POLE: variants seen among roughly 807,000 people sequenced by gnomAD.
POLE encodes DNA polymerase epsilon catalytic subunit A.
POLE carries 188 observed loss-of-function variants against 279.2 expected under a neutral mutation model. The ratio of observed to expected loss-of-function variants is 0.67; its 90% CI spans 0.60 to 0.76. The LOEUF is 0.76. Ranked by LOEUF, POLE falls within the 30% of genes least tolerant of loss-of-function variation. POLE has a pLI of 0.00. For synonymous variants in POLE, 1,214 were observed against 1,172.5 expected (o/e 1.04, Z -0.72); for missense variants, 2,703 against 3,016.7 (o/e 0.90, Z 2.44).
At chr12:132,680,464 A>T in intron 3 of POLE, 143 bp downstream of exon 3, 1 of 701,028 alleles carries the variant, frequency 1.4e-6, no homozygotes, top group Non-Finnish European at 2.5e-6. Context: ...TTACGTGATG[A>T]CTGATGGGGC....
intron 20 of POLE, 119 bp from the exon 21 acceptor site, chr12:132,665,569 C>A (rs1266469499): frequency 7.0e-6 from 8 of 1,145,416 alleles, no homozygotes; most frequent in African/African-American, 4.7e-5. Context: ...ACCTAAAAAA[C>A]CAGTACAATG....
intron 33 of POLE, 31 bp downstream of exon 33, chr12:132,643,806 C>A: frequency 6.2e-7 from 1 of 1,606,060 alleles, no homozygotes; most frequent in South Asian, 1.1e-5. Context: ...GGAGCCTCCC[C>A]CAGTTCAGTC....
chr12:132,627,238 C>T (rs1288659900), intron 45 of POLE, among the ~76,000 whole-genome samples: 1 of 151,666 alleles, frequency 6.6e-6, no homozygotes, highest in Admixed American at 6.6e-5. Flanking sequence ...GCCAAGATTG[C>T]ACCACTGCAC....
rs2043086107 is a variant in POLE at position 132,677,653 on chromosome 12, C to T, written c.645G>A (p.Leu215=). ...EETSKKIADQ[L]DNIVDMREYD... ...ACTCGCGCATGTCCACAATGTTGTC[C>T]AACTGGTCAGCTATCTTCTTAGAGG... The change falls in exon 7 of 49, where the codon TTG becomes TTA. Residue 215 remains leucine (L), a synonymous_variant. Transcript: ENST00000320574. 2 of 1,614,120 alleles carry T rather than the reference C, an allele frequency of 1.2e-6. No individual in the cohort carries two copies. Among genetic ancestry groups the T allele is most frequent in the Non-Finnish European group, 1.7e-6 (2 of 1,180,000 alleles).
In POLE at chr12:132,677,904, G is replaced by A. The variant is rs111478351; in HGVS notation, c.579-185C>T. 2.8e-3 allele frequency among the ~76,000 whole-genome samples: 432 copies of A among 152,328 alleles called. 2 individuals carry two copies. Among genetic ancestry groups the A allele is most frequent in the African/African-American group, 9.7e-3 (404 of 41,588 alleles). Reference sequence around the variant, plus strand: ...AAGAATGGCTTGGACTGGGCCAGGCGTGGCAGCTCACGCCTGTAATCCCAG... The same window carrying A: ...AAGAATGGCTTGGACTGGGCCAGGCATGGCAGCTCACGCCTGTAATCCCAG... On this transcript the variant is annotated intron_variant, in intron 6 of 48. Transcript: ENST00000320574.
rs5744826 is a variant in POLE at position 132,665,124 on chromosome 12, G to C, written c.2468+178C>G. Among the ~76,000 whole-genome samples the C allele has an allele frequency of 1.6e-3, 236 of 152,122 alleles. 1 individual carries two copies. The highest frequency in any genetic ancestry group is 5.4e-3 in the African/African-American group (223 of 41,474). On this transcript the variant is annotated intron_variant, in intron 21 of 48. Transcript: ENST00000320574. ...ATGGACACCCAGACCCTCAAAGTCA[G>C]CGTGGCCCCCACTCTCTTCAACCTC...
Position 132,679,591 on chromosome 12 carries a change from C to T in POLE, c.484G>A (p.Asp162Asn), listed in dbSNP as rs759492756. The stretch of plus-strand genomic sequence containing the variant: ...ATCTCCTTCCTCACTTTGACAAGAT[C>T]CTCCACAGTGTGGAAGGACAGCCTG... ...YIRLSFHTVE[D>N]LVKVRKEISP... Residue 162 changes from aspartate (D) to asparagine (N), a missense_variant, in exon 6 of 49, where the codon GAT becomes AAT. Asp to Asn is a conservative substitution (Grantham distance 23). This residue lies in a region of POLE where 1,011 missense variants were observed against 1,111.7 expected (regional missense o/e 0.91). Coordinates refer to ENST00000320574, the MANE Select transcript of POLE (RefSeq NM_006231.4). The T allele has an allele frequency of 6.2e-7, 1 of 1,613,954 alleles. No individual in the cohort carries two copies.
rs1340591294 is a variant in POLE at position 132,665,417 on chromosome 12, C to T, written c.2353G>A (p.Val785Met). Residue 785 changes from valine (V) to methionine (M), a missense_variant, in exon 21 of 49, where the codon GTG (valine) becomes ATG (methionine). Transcript: ENST00000320574. ...CGCTTCACCTCAGCCGCGTCGCCCA[C>T]CTCCACGGCCGCCGAGAGCTTCTTT... ...WKKKLSAAVE[V>M]GDAAEVKRCK... 1.2e-6 allele frequency: 2 copies of T among 1,612,800 alleles called. No homozygotes were observed. Among genetic ancestry groups the T allele is most frequent in the Admixed American group, 1.7e-5 (1 of 60,010 alleles).
rs114778730 is a variant in POLE, at chr12:132,626,153, G to A, written c.6495C>T (p.Arg2165=). ...EVICRSCNFC[R]DLDLCKDSSF... is the part of the protein sequence containing the mutation. ...AAGAGTCTTTACACAGGTCCAGGTC[G>A]CGGCAGAAGTTACAGCTGCGGCAGA... Residue 2165 remains arginine (R), a synonymous_variant, in exon 46 of 49, where the codon CGC becomes CGT. Coordinates refer to ENST00000320574, the MANE Select transcript of POLE (RefSeq NM_006231.4). 1,096 of 1,609,544 alleles carry A rather than the reference G, an allele frequency of 6.8e-4. No homozygotes were observed. Among genetic ancestry groups the A allele is most frequent in the Non-Finnish European group, 8.0e-4 (945 of 1,177,976 alleles).
At chr12:132,640,665 T>G (rs975689091) in intron 39 of POLE, among the ~76,000 whole-genome samples, 1 of 152,242 alleles carries the variant, frequency 6.6e-6, no homozygotes, top group Non-Finnish European at 1.5e-5. Flanking sequence ...AAGCGGGAAC[T>G]TCAATGGGGT....
intron 21 of POLE, among the ~76,000 whole-genome samples, 167 bp downstream of exon 21, chr12:132,665,135 A>T (rs1040737514): frequency 6.6e-6 from 1 of 150,678 alleles, no homozygotes; most frequent in East Asian, 2.0e-4. Flanking sequence ...CGTGGCCCCC[A>T]CTCTCTTCAA....
At chr12:132,636,377 T>C (rs2042032539) in intron 41 of POLE, among the ~76,000 whole-genome samples, 1 of 144,780 alleles carries the variant, frequency 6.9e-6, no homozygotes, top group African/African-American at 2.6e-5. Context: ...TCGTCATCCT[T>C]GTCACTCCTC....
chr12:132,659,239 T>C, intron 26 of POLE, 56 bp downstream of exon 26: 2 of 1,551,460 alleles, frequency 1.3e-6, no homozygotes, highest in Non-Finnish European at 1.8e-6. Flanking sequence ...GAGGGAGCCC[T>C]CACCTGTCCG....
chr12:132,641,417 G>A, intron 39 of POLE: 1 of 579,120 alleles, frequency 1.7e-6, no homozygotes. Context: ...AGTACCTCTG[G>A]CCACAGGGAG....
intron 26 of POLE, among the ~76,000 whole-genome samples, chr12:132,658,908 A>AAAAAAG (rs2042613384): frequency 6.6e-6 from 1 of 150,548 alleles, no homozygotes; most frequent in Non-Finnish European, 1.5e-5. Context: ...AAAAAAAAAA[A>AAAAAAG]GAGCAGTTTC....
At position 132,625,740 on chromosome 12, in the gene POLE, A is replaced by G; in HGVS notation, c.6562T>C (p.Ser2188Pro). The change falls in exon 47 of 49, where the codon TCC (serine) becomes CCC (proline). Residue 2188 changes from serine (S) to proline (P), a missense_variant. By Grantham distance (74) the Ser-to-Pro change is moderately conservative (BLOSUM62 -1). Coordinates refer to ENST00000320574, the MANE Select transcript of POLE (RefSeq NM_006231.4). ...DGAVLPQWLCSNCQAPYDSSA... is the reference protein window; with the variant it reads ...DGAVLPQWLCPNCQAPYDSSA... The stretch of plus-strand genomic sequence containing the variant: ...GAGTCGTAGGGCGCCTGACAGTTGG[A>G]GCAGAGCCACTGAGGCAGGACCGCC... 6.2e-7 allele frequency: 1 copy of G among 1,612,748 alleles called. No individual in the cohort carries two copies. The highest frequency in any genetic ancestry group is 8.5e-7 in the Non-Finnish European group (1 of 1,180,002).
rs1450083148 is a variant in POLE, at chr12:132,661,890, G to T, written c.2707-206C>A. Among the ~76,000 whole-genome samples the T allele has an allele frequency of 2.6e-5, 4 of 152,234 alleles. No individual in the cohort carries two copies. The highest frequency in any genetic ancestry group is 9.6e-5 in the African/African-American group (4 of 41,462). Reference sequence around the variant, plus strand: ...TGTATCTGTTAGGTCCAAGAAGCCAGACCCAAAATGCTACAGGCCGTATGC... The same window carrying T: ...TGTATCTGTTAGGTCCAAGAAGCCATACCCAAAATGCTACAGGCCGTATGC... On this transcript the variant is annotated intron_variant, in intron 23 of 48. Coordinates refer to ENST00000320574, the MANE Select transcript of POLE (RefSeq NM_006231.4). This position sits in a 1 kb window ranked among gnomAD's most constrained non-coding sequence, Gnocchi z 4.1.
At position 132,675,081 on chromosome 12, in the gene POLE, A is replaced by G. The variant is rs1238945455; in HGVS notation, c.1226+317T>C. Among the ~76,000 whole-genome samples, 1 of 152,150 alleles carries G rather than the reference A, an allele frequency of 6.6e-6. No individual in the cohort carries two copies. Among genetic ancestry groups the G allele is most frequent in the Non-Finnish European group, 1.5e-5 (1 of 68,018 alleles). ...TGAGGCAGCCGGGCTGCCACATCCC[A>G]ACCTTGCCTGGGCAGAGCAGCTCCA... is the stretch of plus-strand genomic sequence containing the variant. On this transcript the variant is annotated intron_variant, in intron 12 of 48. Transcript: ENST00000320574. This position sits in a 1 kb window ranked among gnomAD's most constrained non-coding sequence, Gnocchi z 4.3.
In POLE at chr12:132,626,313, A is replaced by G. The variant is rs1429053091; in HGVS notation, c.6335T>C (p.Leu2112Pro). 4 of 1,613,500 alleles carry G rather than the reference A, an allele frequency of 2.5e-6. No individual in the cohort carries two copies. The African/African-American group carries it at 4.0e-5, about 16-fold the overall frequency. ...GTTTGTGATGTTGGTGTCCAGGGAC[A>G]GCACCTGCAGAGACCACAGCCCACA... The part of the protein sequence containing the change: ...LEFIKYVCKV[L>P]SLDTNITNQV... The change falls in exon 46 of 49, where the codon CTG becomes CCG. Residue 2112 changes from leucine to proline, a missense_variant. By Grantham distance (98) the Leu-to-Pro change is moderately conservative (BLOSUM62 -3). Transcript: ENST00000320574.
Sources: gnomAD v4.1 joint callset for allele counts (sites outside exome capture counted in the v4.1 genomes callset) on GRCh38, gnomAD v4.1.1 for gene constraint, gnomAD v4.1.1 regional missense constraint, Gnocchi (gnomAD v3.1) non-coding constraint, MANE v1.5 for transcripts, NCBI Gene and HGNC (gene_info 2026-07-23, HGNC 2026-07-21) for gene names.